The following TNNI3K variants were observed in gnomAD, a reference collection of about 807,000 sequenced individuals.
TNNI3K encodes the protein serine/threonine-protein kinase TNNI3K.
TNNI3K carries 140 observed loss-of-function variants against 114.5 expected under a neutral mutation model. The observed-to-expected ratio is 1.22, with a 90% CI of 1.07 to 1.41. The LOEUF is 1.41. TNNI3K is among the 40% of genes most tolerant of loss of function. TNNI3K has a pLI of 0.00. For synonymous variants in TNNI3K, 347 were observed against 347.5 expected (o/e 1.00, Z 0.02); for missense variants, 1,125 against 1,007.6 (o/e 1.12, Z -1.58).
chr1:74,481,492 T>C (rs1461761037), intron 21 of TNNI3K, among the ~76,000 whole-genome samples: 1 of 152,240 alleles, frequency 6.6e-6, no homozygotes, highest in Non-Finnish European at 1.5e-5. Context: ...CATTGATTTC[T>C]GCTTTCTAGC....
intron 23 of TNNI3K, among the ~76,000 whole-genome samples, chr1:74,508,897 C>T (rs1421118416): frequency 6.6e-6 from 1 of 152,178 alleles, no homozygotes; most frequent in East Asian, 1.9e-4. Flanking sequence ...CTGGTTTTTA[C>T]AGGGTCTGCA....
At chr1:74,265,771 C>A (rs971322741) in intron 4 of TNNI3K, among the ~76,000 whole-genome samples, 1 of 151,554 alleles carries the variant, frequency 6.6e-6, no homozygotes, top group Non-Finnish European at 1.5e-5. Context: ...AAAAACTGGA[C>A]AGCTCAAAAG....
Position 74,354,665 on chromosome 1 carries a change from A to G in TNNI3K, c.1177+536A>G, listed in dbSNP as rs191298599. On this transcript the variant is annotated intron_variant, in intron 11 of 24. Coordinates refer to ENST00000326637, the MANE Select transcript of TNNI3K (RefSeq NM_015978.3). ...AAGCTTGAGATCTGGTATGAAAACAACTGGGTTTAAATCAAGCCATATTAT... is the reference window on the plus strand; with the variant it reads ...AAGCTTGAGATCTGGTATGAAAACAGCTGGGTTTAAATCAAGCCATATTAT... Among the ~76,000 whole-genome samples, 418 of 152,330 alleles carry G rather than the reference A, an allele frequency of 2.7e-3. 2 individuals carry two copies. The highest frequency in any genetic ancestry group is 9.3e-3 in the African/African-American group (386 of 41,574).
chr1:74,336,005 C>A lies in TNNI3K; in HGVS notation c.544-6C>A. ...TATACTGATTTCAAATGAATAAATC[C>A]TTTAGGTAACTCGCCTTCTTTTGAA... On this transcript the variant is annotated splice_polypyrimidine_tract_variant and splice_region_variant and intron_variant, in intron 6 of 24. Coordinates refer to ENST00000326637, the MANE Select transcript of TNNI3K (RefSeq NM_015978.3). The A allele has an allele frequency of 5.1e-6, 8 of 1,561,738 alleles. No homozygotes were observed. Among genetic ancestry groups the A allele is most frequent in the Non-Finnish European group, 6.9e-6 (8 of 1,162,954 alleles).
intron 21 of TNNI3K, among the ~76,000 whole-genome samples, chr1:74,472,427 T>A (rs182785087): frequency 1.5e-3 from 229 of 152,330 alleles, no homozygotes; most frequent in South Asian, 2.9e-3. Flanking sequence ...CGATGCTGAC[T>A]TAAAAGTTGT....
At chr1:74,539,657 T>C (rs1646702471) in intron 23 of TNNI3K, among the ~76,000 whole-genome samples, 1 of 152,126 alleles carries the variant, frequency 6.6e-6, no homozygotes, top group African/African-American at 2.4e-5. Flanking sequence ...ATTTGAATCC[T>C]GGATGAGCTG....
intron 17 of TNNI3K, among the ~76,000 whole-genome samples, chr1:74,402,697 G>T (rs1383278007): frequency 6.6e-6 from 1 of 152,180 alleles, no homozygotes; most frequent in African/African-American, 2.4e-5. Flanking sequence ...CAGTTCTTGT[G>T]GTTGTAGGAC....
intron 5 of TNNI3K, among the ~76,000 whole-genome samples, chr1:74,311,537 G>A (rs1658996692): frequency 6.6e-6 from 1 of 152,112 alleles, no homozygotes; most frequent in Non-Finnish European, 1.5e-5. Context: ...TATGAAACAT[G>A]AAATATGACA....
At chr1:74,378,895 A>T (rs931335777) in intron 17 of TNNI3K, 1 of 151,680 alleles carries the variant, frequency 6.6e-6, no homozygotes, top group Non-Finnish European at 1.5e-5. Context: ...TAGGTGTCTG[A>T]GTAATGGTTA....
At position 74,453,144 on chromosome 1, in the gene TNNI3K, C is replaced by T. The variant is rs151077980; in HGVS notation, c.2012-10297C>T. 6.6e-5 allele frequency among the ~76,000 whole-genome samples: 10 copies of T among 152,186 alleles called. 1 individual carries two copies. Among genetic ancestry groups the T allele is most frequent in the African/African-American group, 2.2e-4 (9 of 41,520 alleles). On this transcript the variant is annotated intron_variant, in intron 20 of 24. Coordinates refer to ENST00000326637, the MANE Select transcript of TNNI3K (RefSeq NM_015978.3). ...AAATACTTAAAAAAGGTAAAAATGT[C>T]CCTGAGATTTTAGTTCATGGACCCC...
chr1:74,486,288 A>T (rs1456475453), intron 21 of TNNI3K, among the ~76,000 whole-genome samples: 2 of 149,486 alleles, frequency 1.3e-5, no homozygotes, highest in African/African-American at 4.9e-5. Context: ...TCCAGGATCT[A>T]CTTGCTTTTA....
chr1:74,428,921 C>T (rs2100650019), intron 17 of TNNI3K, among the ~76,000 whole-genome samples: 1 of 152,184 alleles, frequency 6.6e-6, no homozygotes, highest in South Asian at 2.1e-4. Flanking sequence ...CCAGCCTGGG[C>T]AACAGAGTGA....
intron 4 of TNNI3K, among the ~76,000 whole-genome samples, chr1:74,254,962 CGAT>C (rs1164856863): frequency 6.6e-6 from 1 of 151,966 alleles, no homozygotes; most frequent in East Asian, 1.9e-4. Flanking sequence ...TTGCAAGAAT[CGAT>C]ATTATTATCT....
chr1:74,537,169 C>T (rs1039993665), intron 23 of TNNI3K, among the ~76,000 whole-genome samples: 4 of 152,124 alleles, frequency 2.6e-5, no homozygotes, highest in South Asian at 2.1e-4. Flanking sequence ...TCAGAAGAAA[C>T]CAGATAGCCA....
At chr1:74,462,923 A>T (rs1360554014) in intron 20 of TNNI3K, among the ~76,000 whole-genome samples, 1 of 152,238 alleles carries the variant, frequency 6.6e-6, no homozygotes, top group Non-Finnish European at 1.5e-5. Context: ...TACTTTATAA[A>T]TATTAAAAAT....
chr1:74,529,063 G>A (rs184717621), intron 23 of TNNI3K, among the ~76,000 whole-genome samples: 3 of 152,270 alleles, frequency 2.0e-5, no homozygotes, highest in Non-Finnish European at 4.4e-5. Context: ...CAATAATATT[G>A]TAACTATAAG....
At chr1:74,244,133 A>G (rs1344137756) in intron 2 of TNNI3K, among the ~76,000 whole-genome samples, 1 of 152,194 alleles carries the variant, frequency 6.6e-6, no homozygotes, top group Non-Finnish European at 1.5e-5. Context: ...ATTCAAATAT[A>G]GCCCCCAAAG....
intron 4 of TNNI3K, among the ~76,000 whole-genome samples, chr1:74,265,604 A>G (rs577072258): frequency 1.9e-4 from 29 of 152,166 alleles, no homozygotes; most frequent in African/African-American, 7.0e-4. Flanking sequence ...TAATATATGA[A>G]AAAAGGAAAT....
At chr1:74,248,884 A>G (rs1423872711) in intron 2 of TNNI3K, among the ~76,000 whole-genome samples, 1 of 152,110 alleles carries the variant, frequency 6.6e-6, no homozygotes, top group African/African-American at 2.4e-5. Context: ...TAAAACTATG[A>G]TCAAATATAT....
Sources: allele counts gnomAD v4.1 joint callset (sites outside exome capture counted in the v4.1 genomes callset), GRCh38; gene constraint gnomAD v4.1.1; transcripts MANE v1.5; gene names NCBI Gene and HGNC (gene_info 2026-07-23, HGNC 2026-07-21).